The following ZMYND12 variants were observed in gnomAD, a reference collection of about 807,000 sequenced individuals.
ZMYND12 encodes zinc finger MYND-type containing 12, also known as zinc finger MYND domain-containing protein 12.
ZMYND12 carries 32 observed loss-of-function variants against 41.7 expected under a neutral mutation model. That is an observed-to-expected ratio of 0.77 (90% CI 0.58 to 1.03). The LOEUF is 1.03. Among genes scored for constraint, ZMYND12 ranks in the 50% least tolerant of loss-of-function variants. The probability of loss-of-function intolerance (pLI) is 0.00; values close to 1 mark genes in which losing one functional copy is unlikely to be tolerated. For synonymous variants in ZMYND12, 148 were observed against 164.8 expected (o/e 0.90, Z 0.78); for missense variants, 424 against 438.5 (o/e 0.97, Z 0.30).
In ZMYND12 at chr1:42,433,230, T is replaced by G; in HGVS notation, c.888A>C (p.Glu296Asp). Reference protein sequence around the residue: ...RILTSILNIRESTSDKAPQKT... With the variant: ...RILTSILNIRDSTSDKAPQKT... ...TTTGGGGGGCTTTGTCAGATGTAGA[T>G]TCTCGAATGTTCAAGATTGAAGTCA... The change falls in exon 7 of 8, where the codon GAA becomes GAC. Residue 296 changes from glutamate to aspartate, a missense_variant. Physicochemically the swap from Glu to Asp is conservative, Grantham distance 45. Transcript: ENST00000372565. The G allele has an allele frequency of 1.2e-6, 2 of 1,612,932 alleles. No individual in the cohort carries two copies. Among genetic ancestry groups the G allele is most frequent in the Non-Finnish European group, 1.7e-6 (2 of 1,179,608 alleles).
At chr1:42,432,591 C>A (rs1642864992) in intron 7 of ZMYND12, among the ~76,000 whole-genome samples, 1 of 151,894 alleles carries the variant, frequency 6.6e-6, no homozygotes, top group African/African-American at 2.4e-5. Context: ...TACTTGCTGT[C>A]TGTAAGACAT....
At chr1:42,433,889 A>G (rs1243152023) in intron 6 of ZMYND12, among the ~76,000 whole-genome samples, 1 of 152,174 alleles carries the variant, frequency 6.6e-6, no homozygotes, top group East Asian at 1.9e-4. Flanking sequence ...TACTAAGCTT[A>G]GAGAAAAAGA....
chr1:42,433,487 C>G (rs144558274), intron 6 of ZMYND12, among the ~76,000 whole-genome samples, 199 bp from the exon 7 acceptor site: 1 of 152,318 alleles, frequency 6.6e-6, no homozygotes, highest in African/African-American at 2.4e-5. Flanking sequence ...GCAGGAGTTT[C>G]AGACCGCTTT....
In ZMYND12 at chr1:42,444,901, G is replaced by A. The variant is rs1346832179; in HGVS notation, c.424+3566C>T. 4.1e-5 allele frequency among the ~76,000 whole-genome samples: 6 copies of A among 146,144 alleles called. 1 individual carries two copies. The South Asian group carries it at 6.8e-4, about 17-fold the overall frequency. ...CCTCTCACTGTAAGCTCCGCCCCCC[G>A]GGTTCATGCCATTCTCCTGCTCCAG... On this transcript the variant is annotated intron_variant, in intron 3 of 7. Coordinates refer to ENST00000372565, the MANE Select transcript of ZMYND12 (RefSeq NM_032257.5).
intron 7 of ZMYND12, among the ~76,000 whole-genome samples, chr1:42,432,230 A>G (rs567957685): frequency 1.3e-5 from 2 of 150,736 alleles, no homozygotes. Context: ...TGATCTTTTT[A>G]TTTTTATTTT....
intron 4 of ZMYND12, among the ~76,000 whole-genome samples, chr1:42,438,655 G>A (rs970784202): frequency 6.6e-6 from 1 of 151,886 alleles, no homozygotes; most frequent in Non-Finnish European, 1.5e-5. Flanking sequence ...TAGAGGTTGT[G>A]TAGTCCATAG....
chr1:42,446,651 CA>C (rs11368621), intron 3 of ZMYND12, among the ~76,000 whole-genome samples: 5,894 of 126,026 alleles, frequency 0.047, 359 homozygotes, highest in African/African-American at 0.16. Flanking sequence ...GACTCGGTCT[CA>C]AAAAAAAAAA....
intron 1 of ZMYND12, among the ~76,000 whole-genome samples, chr1:42,454,948 T>G (rs1643137531): frequency 6.6e-6 from 1 of 152,164 alleles, no homozygotes; most frequent in South Asian, 2.1e-4. Context: ...AAGACAAAAG[T>G]TTTAAGAAAC....
chr1:42,434,984 T>C (rs894767101), intron 6 of ZMYND12, among the ~76,000 whole-genome samples: 2 of 151,800 alleles, frequency 1.3e-5, no homozygotes, highest in Non-Finnish European at 2.9e-5. Flanking sequence ...AACATAGAAA[T>C]GGATGCTCTG....
At position 42,455,938 on chromosome 1, in the gene ZMYND12, G is replaced by C; in HGVS notation, c.60C>G (p.Cys20Trp). 10 of 1,613,632 alleles carry C rather than the reference G, an allele frequency of 6.2e-6. No individual in the cohort carries two copies. Among genetic ancestry groups the C allele is most frequent in the Non-Finnish European group, 7.6e-6 (9 of 1,179,996 alleles). The change falls in exon 1 of 8, where the codon TGC becomes TGG. Residue 20 changes from cysteine (C) to tryptophan (W), a missense_variant. Cys to Trp is a radical substitution (Grantham distance 215). Coordinates refer to ENST00000372565, the MANE Select transcript of ZMYND12 (RefSeq NM_032257.5). ...CGCACACCCGCTCGGCTGGGGCTTCGCACACCTCACAGCAGAGTCTGCGCC... is the reference window on the plus strand; with the variant it reads ...CGCACACCCGCTCGGCTGGGGCTTCCCACACCTCACAGCAGAGTCTGCGCC... The part of the protein sequence containing the change: ...PKGRRLCCEV[C>W]EAPAERVCAA...
Position 42,441,190 on chromosome 1 carries a change from T to A in ZMYND12, c.425-1165A>T, listed in dbSNP as rs1034789530. ...GATAGGAAATGTTTAATTCTATAGA[T>A]GAGATGGAGAGGGACACTGAAGCAG... is the stretch of plus-strand genomic sequence containing the variant. On this transcript the variant is annotated intron_variant, in intron 3 of 7. Transcript: ENST00000372565. 3.3e-5 allele frequency among the ~76,000 whole-genome samples: 5 copies of A among 152,100 alleles called. No individual in the cohort carries two copies. In the East Asian group the frequency reaches 7.7e-4, roughly 23 times the overall value.
At chr1:42,443,634 T>C (rs562574666) in intron 3 of ZMYND12, among the ~76,000 whole-genome samples, 1 of 152,182 alleles carries the variant, frequency 6.6e-6, no homozygotes, top group Non-Finnish European at 1.5e-5. Flanking sequence ...ATTGAAGACC[T>C]GTTATTTGCC....
chr1:42,441,631 G>GTTTTT lies in ZMYND12; in HGVS notation c.425-1611_425-1607dup, dbSNP rs1642970037. The stretch of plus-strand genomic sequence containing the variant: ...ATCATGTATTGTTTTGTTTTGTTTT[G>GTTTTT]TTTTTTTGAGACGGAGTCTTGCTCT... On this transcript the variant is annotated intron_variant, in intron 3 of 7. Transcript: ENST00000372565. Among the ~76,000 whole-genome samples, 5 of 151,622 alleles carry GTTTTT rather than the reference G, an allele frequency of 3.3e-5. No homozygotes were observed. The South Asian group carries it at 1.0e-3, about 32-fold the overall frequency.
intron 6 of ZMYND12, among the ~76,000 whole-genome samples, chr1:42,434,307 A>C (rs1570345746): frequency 6.6e-6 from 1 of 152,142 alleles, no homozygotes; most frequent in South Asian, 2.1e-4. Flanking sequence ...GTTTAATCCA[A>C]CTGGGCCCTG....
chr1:42,430,648 C>T lies in ZMYND12; in HGVS notation c.*88G>A. On this transcript the variant is annotated 3_prime_UTR_variant, in exon 8 of 8. Coordinates refer to ENST00000372565, the MANE Select transcript of ZMYND12 (RefSeq NM_032257.5). ...AGAGGGTGGAAACTTCAGCAGTCTACAGTACCTCAAAGCAGTTGTGCAAGG... is the reference window on the plus strand; with the variant it reads ...AGAGGGTGGAAACTTCAGCAGTCTATAGTACCTCAAAGCAGTTGTGCAAGG... 2 of 1,558,380 alleles carry T rather than the reference C, an allele frequency of 1.3e-6. No homozygotes were observed. Among genetic ancestry groups the T allele is most frequent in the Non-Finnish European group, 1.8e-6 (2 of 1,140,234 alleles).
At chr1:42,439,259 T>TTC (rs935759143) in intron 4 of ZMYND12, among the ~76,000 whole-genome samples, 6 of 142,676 alleles carry the variant, frequency 4.2e-5, no homozygotes, top group East Asian at 2.3e-4. Context: ...AGCAAAGCCC[T>TTC]TCTCTCTCTC....
intron 7 of ZMYND12, 140 bp downstream of exon 7, chr1:42,433,003 G>A (rs1231903982): frequency 5.8e-6 from 6 of 1,041,544 alleles, no homozygotes; most frequent in South Asian, 4.5e-5. Flanking sequence ...GAGAAACATC[G>A]TGAGCATCTG....
intron 4 of ZMYND12, among the ~76,000 whole-genome samples, chr1:42,438,737 C>T (rs568075100): frequency 4.6e-5 from 7 of 152,196 alleles, no homozygotes; most frequent in East Asian, 3.9e-4. Flanking sequence ...GAATAACCAG[C>T]GTAAAATTTA....
At chr1:42,451,593 T>G (rs1029415534) in intron 1 of ZMYND12, among the ~76,000 whole-genome samples, 1 of 152,184 alleles carries the variant, frequency 6.6e-6, no homozygotes, top group Admixed American at 6.5e-5. Flanking sequence ...AGACAATATA[T>G]AGCCATGTTC....
Sources: allele counts gnomAD v4.1 joint callset (sites outside exome capture counted in the v4.1 genomes callset), GRCh38; gene constraint gnomAD v4.1.1; transcripts MANE v1.5; gene names NCBI Gene and HGNC (gene_info 2026-07-23, HGNC 2026-07-21).